The following CSNK2A2 variants were observed in gnomAD, a reference collection of about 807,000 sequenced individuals.
CSNK2A2 encodes casein kinase 2 alpha 2, also known as casein kinase II subunit alpha'.
Under a neutral mutation model 54.0 loss-of-function variants are expected in CSNK2A2, and 8 were observed. That is an observed-to-expected ratio of 0.15 (90% CI 0.09 to 0.27). The LOEUF (loss-of-function observed/expected upper bound fraction) is 0.27. CSNK2A2 is among the 10% of genes least tolerant of loss of function. The pLI, the probability that CSNK2A2 is intolerant of heterozygous loss-of-function variation, is 1.00. For synonymous variants in CSNK2A2, 141 were observed against 153.9 expected (o/e 0.92, Z 0.62); for missense variants, 242 against 439.4 (o/e 0.55, Z 4.02).
In CSNK2A2 at chr16:58,197,142, G is replaced by A; in HGVS notation, c.105-298C>T. On this transcript the variant is annotated intron_variant, in intron 1 of 11. Coordinates refer to ENST00000262506, the MANE Select transcript of CSNK2A2 (RefSeq NM_001896.4). This position sits in a 1 kb window ranked among gnomAD's most constrained non-coding sequence, Gnocchi z 4.0. Reference sequence around the variant, plus strand: ...CCTGAAGGCCTAGAGGGTGCCCCCTGTGCCCCGCGGCTCCCCAGCACCTGC... The same window carrying A: ...CCTGAAGGCCTAGAGGGTGCCCCCTATGCCCCGCGGCTCCCCAGCACCTGC... 5.4e-6 allele frequency: 2 copies of A among 372,364 alleles called. No individual in the cohort carries two copies. The highest frequency in any genetic ancestry group is 3.4e-5 in the South Asian group (1 of 29,006). 23.1% of individuals were successfully genotyped at this position (372,364 alleles called of 1,614,324 possible).
rs1470616474 is a variant in CSNK2A2, at chr16:58,196,813, G to A, written c.136C>T (p.Leu46Phe). 1 of 1,613,428 alleles carries A rather than the reference G, an allele frequency of 6.2e-7. No individual in the cohort carries two copies. Among genetic ancestry groups the A allele is most frequent in the Admixed American group, 1.7e-5 (1 of 60,026 alleles). Residue 46 changes from leucine (L) to phenylalanine (F), a missense_variant, in exon 2 of 12, where the codon CTT becomes TTT. Coordinates refer to ENST00000262506, the MANE Select transcript of CSNK2A2 (RefSeq NM_001896.4). Reference protein sequence around the residue: ...NQDDYQLVRKLGRGKYSEVFE... With the variant: ...NQDDYQLVRKFGRGKYSEVFE... ...ACTTCACTATATTTTCCCCGACCAA[G>A]TTTTCGAACCAGTTGGTAATCATCT...
At chr16:58,190,344 C>T (rs1291208939) in intron 2 of CSNK2A2, among the ~76,000 whole-genome samples, 2 of 152,078 alleles carry the variant, frequency 1.3e-5, no homozygotes, top group Admixed American at 6.6e-5. Flanking sequence ...TTTGGGGTTA[C>T]TTTTACTCTA....
In CSNK2A2 at chr16:58,166,678, G is replaced by A; in HGVS notation, c.733C>T (p.Arg245Cys). ...HGQDNYDQLV[R>C]IAKVLGTEEL... ...TCTGTACCCAGAACCTTGGCAATGCGAACAAGCTGAAACACAAAACAAACT... is the reference window on the plus strand; with the variant it reads ...TCTGTACCCAGAACCTTGGCAATGCAAACAAGCTGAAACACAAAACAAACT... Residue 245 changes from arginine to cysteine, a missense_variant, in exon 9 of 12, where the codon CGC (arginine) becomes TGC (cysteine). Arg to Cys is a radical substitution (Grantham distance 180). Transcript: ENST00000262506. The A allele has an allele frequency of 1.2e-6, 2 of 1,612,212 alleles. No individual in the cohort carries two copies. Among genetic ancestry groups the A allele is most frequent in the South Asian group, 1.1e-5 (1 of 91,034 alleles).
Position 58,197,413 on chromosome 16 carries a change from T to TG in CSNK2A2, c.104+219dup, listed in dbSNP as rs747933430. Among the ~76,000 whole-genome samples the TG allele has an allele frequency of 7.2e-5, 11 of 151,966 alleles. No homozygotes were observed. Among genetic ancestry groups the TG allele is most frequent in the Non-Finnish European group, 1.2e-4 (8 of 67,898 alleles). On this transcript the variant is annotated intron_variant, in intron 1 of 11. Coordinates refer to ENST00000262506, the MANE Select transcript of CSNK2A2 (RefSeq NM_001896.4). This position sits in a 1 kb window ranked among gnomAD's most constrained non-coding sequence, Gnocchi z 4.0. ...TCTCCCCGAGTAAAAAAGCATTCCT[T>TG]GGGGGAAAGGGGTGCGCAAAGCGGG...
chr16:58,176,247 A>C (rs1398928228), intron 4 of CSNK2A2, among the ~76,000 whole-genome samples: 1 of 152,212 alleles, frequency 6.6e-6, no homozygotes, highest in Non-Finnish European at 1.5e-5. Context: ...AACATGGGCT[A>C]TCTCATTAGG....
intron 5 of CSNK2A2, among the ~76,000 whole-genome samples, chr16:58,173,749 A>T (rs1961801966): frequency 6.6e-6 from 1 of 152,246 alleles, no homozygotes; most frequent in Non-Finnish European, 1.5e-5. Context: ...ATGTCTCTCT[A>T]TAATATGCCT....
Position 58,167,762 on chromosome 16 carries a change from A to G in CSNK2A2, c.547T>C (p.Tyr183His). 1 of 1,614,184 alleles carries G rather than the reference A, an allele frequency of 6.2e-7. No individual in the cohort carries two copies. Among genetic ancestry groups the G allele is most frequent in the Non-Finnish European group, 8.5e-7 (1 of 1,180,008 alleles). The change falls in exon 7 of 12, where the codon TAT becomes CAT. Residue 183 changes from tyrosine (Y) to histidine (H), a missense_variant. By Grantham distance (83) the Tyr-to-His change is moderately conservative (BLOSUM62 2). Transcript: ENST00000262506. Reference sequence around the variant, plus strand: ...ACATTGTACTCCTGAGCAGGATGATAGAATTCTGCCAGACCCCAATCTATC... The same window carrying G: ...ACATTGTACTCCTGAGCAGGATGATGGAATTCTGCCAGACCCCAATCTATC... ...RLIDWGLAEF[Y>H]HPAQEYNVRV...
At chr16:58,173,511 C>T (rs2142423030) in intron 5 of CSNK2A2, among the ~76,000 whole-genome samples, 1 of 152,300 alleles carries the variant, frequency 6.6e-6, no homozygotes, top group East Asian at 1.9e-4. Context: ...CTGAGCATTC[C>T]TTTAAGTGCT....
In CSNK2A2 at chr16:58,197,543, A is replaced by C; in HGVS notation, c.104+90T>G. 1.3e-6 allele frequency: 1 copy of C among 761,590 alleles called. No individual in the cohort carries two copies. The highest frequency in any genetic ancestry group is 3.8e-5 in the East Asian group (1 of 26,514). 47.2% of individuals were successfully genotyped at this position (761,590 alleles called of 1,614,324 possible). On this transcript the variant is annotated intron_variant, in intron 1 of 11. Coordinates refer to ENST00000262506, the MANE Select transcript of CSNK2A2 (RefSeq NM_001896.4). This position sits in a 1 kb window ranked among gnomAD's most constrained non-coding sequence, Gnocchi z 4.0. ...GCGGGCCCGCGGAGGGGTCGGCGGG[A>C]GACACCACCGGGCCCGAGTGCGGTT...
chr16:58,174,251 C>T (rs1961817249), intron 5 of CSNK2A2, 200 bp downstream of exon 5: 1 of 503,366 alleles, frequency 2.0e-6, no homozygotes, highest in Non-Finnish European at 3.5e-6. Context: ...TACCCCTTGA[C>T]TTGGCCACTT....
chr16:58,174,418 GA>G (rs1322954295), intron 5 of CSNK2A2, 32 bp downstream of exon 5: 5 of 1,504,090 alleles, frequency 3.3e-6, no homozygotes, highest in African/African-American at 1.4e-5. Context: ...GAACAGGCCT[GA>G]AAAAAATTAA....
chr16:58,185,353 G>C (rs1002927091), intron 3 of CSNK2A2, among the ~76,000 whole-genome samples: 14 of 152,202 alleles, frequency 9.2e-5, no homozygotes, highest in African/African-American at 3.1e-4. Context: ...CTCAACGGGA[G>C]AATAGTGGAG....
Position 58,171,228 on chromosome 16 carries a change from T to C in CSNK2A2, c.430-2535A>G, listed in dbSNP as rs578101449. On this transcript the variant is annotated intron_variant, in intron 5 of 11. Transcript: ENST00000262506. ...TTCCCTGAACCAAGAGTATACAATATAGAATGCTTGTTATGGCCAGGCGTG... is the reference window on the plus strand; with the variant it reads ...TTCCCTGAACCAAGAGTATACAATACAGAATGCTTGTTATGGCCAGGCGTG... Among the ~76,000 whole-genome samples, 478 of 152,142 alleles carry C rather than the reference T, an allele frequency of 3.1e-3. 3 individuals carry two copies. The highest frequency in any genetic ancestry group is 5.1e-3 in the Non-Finnish European group (350 of 67,982).
At chr16:58,178,805 A>G (rs1296922368) in intron 4 of CSNK2A2, among the ~76,000 whole-genome samples, 2 of 152,238 alleles carry the variant, frequency 1.3e-5, no homozygotes, top group African/African-American at 4.8e-5. Context: ...GTAGGCCATA[A>G]TTCTGAACTA....
At chr16:58,161,008 G>A (rs1360643902) in intron 11 of CSNK2A2, 1 of 152,154 alleles carries the variant, frequency 6.6e-6, no homozygotes, top group African/African-American at 2.4e-5. Flanking sequence ...GAAGGCCCAG[G>A]AAAGCTTGGT....
intron 4 of CSNK2A2, 108 bp downstream of exon 4, chr16:58,184,152 C>T: frequency 1.3e-6 from 1 of 781,880 alleles, no homozygotes. Flanking sequence ...GTTATTTCCT[C>T]CTCTCACCAA....
At chr16:58,172,714 T>C (rs1961775953) in intron 5 of CSNK2A2, among the ~76,000 whole-genome samples, 1 of 152,248 alleles carries the variant, frequency 6.6e-6, no homozygotes, top group Non-Finnish European at 1.5e-5. Flanking sequence ...GCTTTGAAAT[T>C]CTTTGGGGAA....
intron 4 of CSNK2A2, among the ~76,000 whole-genome samples, chr16:58,179,584 A>C (rs907101204): frequency 6.6e-6 from 1 of 152,122 alleles, no homozygotes; most frequent in Non-Finnish European, 1.5e-5. Context: ...ACAACTGGTA[A>C]ATCTAGGTGA....
At chr16:58,196,877 G>C (rs1962467604) in intron 1 of CSNK2A2, 33 bp from the exon 2 acceptor site, 2 of 1,403,036 alleles carry the variant, frequency 1.4e-6, no homozygotes, top group African/African-American at 2.8e-5. Context: ...TAAATGCCAG[G>C]ACTGGGGGTT....
Sources: gnomAD v4.1 joint callset for allele counts (sites outside exome capture counted in the v4.1 genomes callset) on GRCh38, gnomAD v4.1.1 for gene constraint, Gnocchi (gnomAD v3.1) non-coding constraint, MANE v1.5 for transcripts, NCBI Gene and HGNC (gene_info 2026-07-23, HGNC 2026-07-21) for gene names.